Variants in ERC1 observed in about 807,000 individuals in gnomAD.
ERC1 encodes the protein ELKS/RAB6-interacting/CAST family member 1.
ERC1 carries 56 observed loss-of-function variants against 132.0 expected under a neutral mutation model. The ratio of observed to expected loss-of-function variants is 0.42; its 90% CI spans 0.34 to 0.53. ERC1 has a LOEUF of 0.53. ERC1 is among the 20% of genes least tolerant of loss of function. ERC1 has a pLI of 0.03. For missense variants in ERC1, 1,202 were observed against 1,349.9 expected (o/e 0.89, Z 1.72); for synonymous variants, 478 against 476.1 (o/e 1.00, Z -0.05).
chr12:1,183,415 GA>G lies in ERC1; in HGVS notation c.2156del (p.Lys719ArgfsTer15). The G allele has an allele frequency of 6.4e-6, 10 of 1,561,294 alleles. No homozygotes were observed. Among genetic ancestry groups the G allele is most frequent in the South Asian group, 2.4e-5 (2 of 82,864 alleles). On this transcript the variant is annotated frameshift_variant, in exon 11 of 19. Transcript: ENST00000360905. LOFTEE classifies it high-confidence loss of function. ...EECLKMESQL[K>X]KAHEAALEAR... ...AGTGTCTGAAAATGGAATCACAATTGAAAAAGGTTAAAGAAAAAATTTCACA... is the reference window on the plus strand; with the variant it reads ...AGTGTCTGAAAATGGAATCACAATTGAAAAGGTTAAAGAAAAAATTTCACA...
intron 3 of ERC1, among the ~76,000 whole-genome samples, chr12:1,097,576 C>T (rs1393200124): frequency 6.6e-6 from 1 of 152,082 alleles, no homozygotes; most frequent in Non-Finnish European, 1.5e-5. Flanking sequence ...TCCAGTAGCT[C>T]TTGATCTTAT....
rs545964775 is a variant in ERC1, at chr12:1,149,359, C to G, written c.1737+7572C>G. Among the ~76,000 whole-genome samples the G allele has an allele frequency of 1.4e-4, 22 of 152,240 alleles. No individual in the cohort carries two copies. The South Asian group carries it at 1.5e-3, about 10-fold the overall frequency. On this transcript the variant is annotated intron_variant, in intron 8 of 18. Coordinates refer to ENST00000360905, the MANE Select transcript of ERC1 (RefSeq NM_178040.4). ...ATTGAGAGAAGATTAGTGCTTACAG[C>G]TGAAACTTAGTTTTAATACAGTATC...
In ERC1 at chr12:1,424,270, A is replaced by G. The variant is rs114923246; in HGVS notation, c.3024+16023A>G. Among the ~76,000 whole-genome samples the G allele has an allele frequency of 4.4e-3, 677 of 152,320 alleles. 9 individuals are homozygous for G. Among genetic ancestry groups the G allele is most frequent in the African/African-American group, 0.015 (642 of 41,568 alleles). The stretch of plus-strand genomic sequence containing the variant: ...CTTTAGAGAAAAAACTAATGATTGA[A>G]CATACAATGTCAGGTGTTTTCAATA... On this transcript the variant is annotated intron_variant, in intron 17 of 18. Transcript: ENST00000360905.
chr12:1,027,800 T>G lies in ERC1; in HGVS notation c.-104T>G. On this transcript the variant is annotated 5_prime_UTR_variant, in exon 2 of 19. Transcript: ENST00000360905. ...TGGACAGCTGGGGACCTTCTTCTGA[T>G]TAACCTTAAACCAACTTGTAGCCAT... 1 of 971,862 alleles carries G rather than the reference T, an allele frequency of 1.0e-6. No individual in the cohort carries two copies. Among genetic ancestry groups the G allele is most frequent in the Non-Finnish European group, 1.6e-6 (1 of 645,118 alleles). The allele number at this position is 971,862 out of a possible 1,614,324, so 60.2% of individuals were successfully genotyped here. A position where few individuals can be genotyped will look rare whatever the true frequency, so the allele number is the denominator to read the frequency against.
chr12:1,285,718 G>A (rs2154338317), intron 14 of ERC1, among the ~76,000 whole-genome samples: 1 of 152,160 alleles, frequency 6.6e-6, no homozygotes, highest in South Asian at 2.1e-4. Flanking sequence ...AAATATACAA[G>A]GAGCAAATAA....
intron 13 of ERC1, among the ~76,000 whole-genome samples, chr12:1,240,927 C>T (rs567080448): frequency 9.2e-5 from 14 of 152,176 alleles, no homozygotes; most frequent in African/African-American, 3.4e-4. Context: ...CTTGTACTTA[C>T]TATTTTCAGT....
Position 1,407,275 on chromosome 12 carries a change from A to ATT in ERC1, c.2926-872_2926-871dup, listed in dbSNP as rs1314115673. Among the ~76,000 whole-genome samples the ATT allele has an allele frequency of 3.4e-5, 5 of 148,834 alleles. No individual in the cohort carries two copies. The South Asian group carries it at 8.4e-4, about 25-fold the overall frequency. On this transcript the variant is annotated intron_variant, in intron 16 of 18. Transcript: ENST00000360905. The stretch of plus-strand genomic sequence containing the variant: ...TTTATTGATGGTATAAAGAAAAGCT[A>ATT]TTTATATATATATATATGAGAGAGA...
intron 18 of ERC1, among the ~76,000 whole-genome samples, chr12:1,470,515 G>A (rs915973168): frequency 4.7e-5 from 7 of 150,268 alleles, no homozygotes; most frequent in Admixed American, 1.3e-4. Flanking sequence ...AACCAAATAC[G>A]CTAGGCGGAC....
intron 18 of ERC1, among the ~76,000 whole-genome samples, chr12:1,476,817 A>T (rs2093983476): frequency 6.6e-6 from 1 of 152,256 alleles, no homozygotes; most frequent in Non-Finnish European, 1.5e-5. Context: ...GGAAAATGTA[A>T]TACATTAATA....
At chr12:1,218,520 T>G (rs1958637121) in intron 12 of ERC1, among the ~76,000 whole-genome samples, 1 of 152,182 alleles carries the variant, frequency 6.6e-6, no homozygotes, top group Non-Finnish European at 1.5e-5. Flanking sequence ...TTCCTTACCT[T>G]TCTTCAAGTT....
chr12:1,303,359 G>A (rs189688303), intron 15 of ERC1, among the ~76,000 whole-genome samples: 15 of 152,250 alleles, frequency 9.9e-5, no homozygotes, highest in Non-Finnish European at 1.6e-4. Context: ...TTTACCGGCC[G>A]GGCGCCGTGG....
At chr12:1,362,133 C>A (rs2086183554) in intron 15 of ERC1, among the ~76,000 whole-genome samples, 1 of 152,152 alleles carries the variant, frequency 6.6e-6, no homozygotes, top group South Asian at 2.1e-4. Flanking sequence ...CATTCTTGAA[C>A]AAATTTTCAG....
chr12:1,074,256 A>ATG (rs1180669195), intron 2 of ERC1, among the ~76,000 whole-genome samples: 1 of 151,922 alleles, frequency 6.6e-6, no homozygotes, highest in African/African-American at 2.4e-5. Flanking sequence ...GTGTATATAG[A>ATG]ATGCATTTAT....
chr12:1,182,509 A>G (rs963989758), intron 10 of ERC1, among the ~76,000 whole-genome samples: 1 of 152,224 alleles, frequency 6.6e-6, no homozygotes, highest in South Asian at 2.1e-4. Context: ...AATATGACCT[A>G]AATAGCAAAG....
At chr12:994,106 T>G (rs1157002503) in intron 1 of ERC1, among the ~76,000 whole-genome samples, 2 of 145,346 alleles carry the variant, frequency 1.4e-5, no homozygotes, top group African/African-American at 5.2e-5. Flanking sequence ...GTGAAGGTTT[T>G]CATAGCAACA....
chr12:1,052,971 G>GA (rs35591043), intron 2 of ERC1, among the ~76,000 whole-genome samples: 349 of 142,300 alleles, frequency 2.5e-3, no homozygotes, highest in East Asian at 5.3e-3. Flanking sequence ...ACTATGTCTC[G>GA]AAAAAAAAAA....
chr12:1,042,630 A>T (rs1368972012), intron 2 of ERC1, among the ~76,000 whole-genome samples: 2 of 150,442 alleles, frequency 1.3e-5, no homozygotes, highest in Admixed American at 1.3e-4. Flanking sequence ...GAGCCACCGC[A>T]CTCGGCCTAG....
intron 8 of ERC1, among the ~76,000 whole-genome samples, chr12:1,157,673 C>T (rs566078325): frequency 1.4e-4 from 21 of 152,178 alleles, no homozygotes; most frequent in Non-Finnish European, 2.8e-4. Flanking sequence ...AAATTTTCCT[C>T]TTCCAAAAAA....
intron 1 of ERC1, among the ~76,000 whole-genome samples, chr12:1,004,929 C>T (rs980991198): frequency 9.9e-5 from 15 of 150,868 alleles, no homozygotes; most frequent in Non-Finnish European, 2.1e-4. Context: ...GAAGAAAGAC[C>T]GTATTTAACT....
Sources: gnomAD v4.1 joint callset for allele counts (sites outside exome capture counted in the v4.1 genomes callset) on GRCh38, gnomAD v4.1.1 for gene constraint, MANE v1.5 for transcripts, NCBI Gene and HGNC (gene_info 2026-07-23, HGNC 2026-07-21) for gene names.